The following RORB variants were observed in gnomAD, a reference collection of about 807,000 sequenced individuals.
RORB encodes nuclear receptor ROR-beta.
Under a neutral mutation model 59.1 loss-of-function variants are expected in RORB, and 6 were observed. The ratio of observed to expected loss-of-function variants is 0.10; its 90% CI spans 0.06 to 0.20. The LOEUF (loss-of-function observed/expected upper bound fraction) is 0.20. Ranked by LOEUF, RORB falls within the 10% of genes least tolerant of loss-of-function variation. The probability of loss-of-function intolerance (pLI) is 1.00; values close to 1 mark genes in which losing one functional copy is unlikely to be tolerated. For synonymous variants in RORB, 215 were observed against 204.5 expected (o/e 1.05, Z -0.44); for missense variants, 320 against 560.5 (o/e 0.57, Z 4.33).
intron 1 of RORB, among the ~76,000 whole-genome samples, chr9:74,590,101 A>G (rs920200697): frequency 6.6e-6 from 1 of 152,208 alleles, no homozygotes; most frequent in Non-Finnish European, 1.5e-5. Context: ...GAAAGTATTT[A>G]AAATCCTGCT....
At chr9:74,508,909 C>T (rs1825900522) in intron 1 of RORB, among the ~76,000 whole-genome samples, 1 of 151,886 alleles carries the variant, frequency 6.6e-6, no homozygotes, top group Non-Finnish European at 1.5e-5. Flanking sequence ...TGCTCTCTCT[C>T]TCTCTCTCTC....
At chr9:74,658,294 T>C (rs1481705418) in intron 4 of RORB, among the ~76,000 whole-genome samples, 1 of 152,186 alleles carries the variant, frequency 6.6e-6, no homozygotes, top group African/African-American at 2.4e-5. Context: ...CCTGAGGACA[T>C]GGTTGGCAGG....
chr9:74,539,168 C>T (rs879528929), intron 1 of RORB, among the ~76,000 whole-genome samples: 2 of 152,066 alleles, frequency 1.3e-5, no homozygotes, highest in Non-Finnish European at 2.9e-5. Context: ...CATGAATACA[C>T]CTCACATGTT....
At chr9:74,623,248 T>C (rs1039593874) in intron 1 of RORB, among the ~76,000 whole-genome samples, 1 of 152,036 alleles carries the variant, frequency 6.6e-6, no homozygotes. Context: ...CAAGAGTGAG[T>C]GTACAGAAGA....
chr9:74,531,552 G>A (rs7870498), intron 1 of RORB, among the ~76,000 whole-genome samples: 85,178 of 151,714 alleles, frequency 0.56, 24,280 homozygotes, highest in East Asian at 0.83. Context: ...TACGAGATCC[G>A]TTTAGAGAGC....
chr9:74,622,519 A>ATTTTTTTT (rs33946613), intron 1 of RORB, among the ~76,000 whole-genome samples: 8 of 74,142 alleles, frequency 1.1e-4, no homozygotes, highest in South Asian at 6.3e-4. Flanking sequence ...TACAACCCAG[A>ATTTTTTTT]TTTTTTTTTT....
chr9:74,555,662 T>C (rs1822277477), intron 1 of RORB, among the ~76,000 whole-genome samples: 1 of 152,232 alleles, frequency 6.6e-6, no homozygotes, highest in South Asian at 2.1e-4. Context: ...CAGCTCCCTG[T>C]ATGTTATTCA....
chr9:74,629,330 C>T (rs192420480), intron 1 of RORB, among the ~76,000 whole-genome samples: 18 of 151,630 alleles, frequency 1.2e-4, no homozygotes, highest in African/African-American at 4.4e-4. Context: ...TCGTTGATTC[C>T]TTATGGCCAG....
At chr9:74,638,194 AT>A (rs1170088637) in intron 3 of RORB, among the ~76,000 whole-genome samples, 1 of 152,222 alleles carries the variant, frequency 6.6e-6, no homozygotes, top group Non-Finnish European at 1.5e-5. Context: ...AAAGTCATAG[AT>A]TGATAGTCAG....
intron 3 of RORB, among the ~76,000 whole-genome samples, chr9:74,636,404 A>T (rs1823703679): frequency 1.3e-5 from 2 of 152,172 alleles, no homozygotes; most frequent in South Asian, 4.1e-4. Flanking sequence ...TGTGCTGGTG[A>T]ACAGAATCAT....
chr9:74,585,256 T>C (rs1468288551), intron 1 of RORB, among the ~76,000 whole-genome samples: 1 of 152,232 alleles, frequency 6.6e-6, no homozygotes. Flanking sequence ...AAAACTTACC[T>C]GTTCCAAAGC....
At chr9:74,505,215 T>C (rs1299024910) in intron 1 of RORB, among the ~76,000 whole-genome samples, 3 of 152,130 alleles carry the variant, frequency 2.0e-5, no homozygotes, top group African/African-American at 7.2e-5. Context: ...GTTTTAATAT[T>C]TTCAAATACA....
At chr9:74,683,927 G>A (rs1220495161) in intron 9 of RORB, among the ~76,000 whole-genome samples, 1 of 152,100 alleles carries the variant, frequency 6.6e-6, no homozygotes, top group African/African-American at 2.4e-5. Flanking sequence ...ATTCCTTGTG[G>A]TGCATCAAGA....
At chr9:74,510,653 A>G (rs749067303) in intron 1 of RORB, among the ~76,000 whole-genome samples, 17 of 152,192 alleles carry the variant, frequency 1.1e-4, no homozygotes, top group African/African-American at 3.9e-4. Flanking sequence ...ATGAATAGGA[A>G]TGTGTCCAGA....
At chr9:74,529,863 A>T (rs921774270) in intron 1 of RORB, among the ~76,000 whole-genome samples, 7 of 151,958 alleles carry the variant, frequency 4.6e-5, no homozygotes, top group African/African-American at 1.7e-4. Flanking sequence ...CCGCTGAAGG[A>T]CTTACTCATG....
At chr9:74,608,623 T>C (rs1011489634) in intron 1 of RORB, among the ~76,000 whole-genome samples, 3 of 152,116 alleles carry the variant, frequency 2.0e-5, no homozygotes, top group African/African-American at 7.2e-5. Context: ...CTGTGTTATC[T>C]GTATAACTTT....
At chr9:74,640,310 G>A (rs555343883) in intron 3 of RORB, among the ~76,000 whole-genome samples, 5 of 151,924 alleles carry the variant, frequency 3.3e-5, no homozygotes, top group South Asian at 4.2e-4. Context: ...GCTCAGTCTC[G>A]GCTCACTGCA....
In RORB at chr9:74,636,692, G is replaced by A. The variant is rs558551871; in HGVS notation, c.235+1920G>A. The stretch of plus-strand genomic sequence containing the variant: ...GTCCAGAGACAATCCTGAGGCTGCC[G>A]GGGACATCTTCAAAAATGCCTCCTA... On this transcript the variant is annotated intron_variant, in intron 3 of 9. Transcript: ENST00000376896. 1.2e-4 allele frequency among the ~76,000 whole-genome samples: 18 copies of A among 152,040 alleles called. No individual in the cohort carries two copies. In the South Asian group the frequency reaches 1.7e-3, roughly 14 times the overall value.
At chr9:74,533,415 C>T (rs950212613) in intron 1 of RORB, among the ~76,000 whole-genome samples, 1 of 151,980 alleles carries the variant, frequency 6.6e-6, no homozygotes, top group Admixed American at 6.6e-5. Flanking sequence ...TGAAAAATTA[C>T]TCACAGTGGC....
Sources: allele counts gnomAD v4.1 joint callset (sites outside exome capture counted in the v4.1 genomes callset), GRCh38; gene constraint gnomAD v4.1.1; transcripts MANE v1.5; gene names NCBI Gene and HGNC (gene_info 2026-07-23, HGNC 2026-07-21).